The following ZNF654 variants were observed in gnomAD, a reference collection of about 807,000 sequenced individuals.
ZNF654 encodes the protein zinc finger protein 654, also known as melanoma-associated antigen.
In ZNF654, 19 loss-of-function variants were observed where a neutral mutation model predicts 95.3. That is an observed-to-expected ratio of 0.20 (90% CI 0.14 to 0.29). The LOEUF (loss-of-function observed/expected upper bound fraction) is 0.29. Ranked by LOEUF, ZNF654 falls within the 10% of genes least tolerant of loss-of-function variation. The pLI, the probability that ZNF654 is intolerant of heterozygous loss-of-function variation, is 1.00. For synonymous variants in ZNF654, 413 were observed against 457.9 expected (o/e 0.90, Z 1.25); for missense variants, 1,046 against 1,341.0 (o/e 0.78, Z 3.44).
intron 3 of ZNF654, among the ~76,000 whole-genome samples, chr3:88,114,835 C>T (rs984652740): frequency 9.9e-5 from 15 of 152,144 alleles, no homozygotes; most frequent in Admixed American, 9.8e-4. Context: ...TCCCTAAAAC[C>T]TTGTATTTTC....
intron 1 of ZNF654, 36 bp downstream of exon 1, chr3:88,059,541 G>C (rs1439227363): frequency 6.9e-7 from 1 of 1,456,896 alleles, no homozygotes; most frequent in Non-Finnish European, 9.0e-7. Context: ...CTTGTCACCC[G>C]GGTCCTGGGC....
rs1226335422 is a variant in ZNF654, at chr3:88,143,878, A to G, written c.*2226A>G. 1 of 151,948 alleles carries G rather than the reference A, an allele frequency of 6.6e-6. No individual in the cohort carries two copies. The highest frequency in any genetic ancestry group is 2.4e-5 in the African/African-American group (1 of 41,430). The allele number at this position is 151,948 out of a possible 1,614,324, so 9.4% of individuals were successfully genotyped here. On this transcript the variant is annotated 3_prime_UTR_variant, in exon 9 of 9. Transcript: ENST00000636215. ...ATTGAAAGAATGTGTTCATTTTATT[A>G]CATCTGTCTTTTAAAACATAAACCT...
chr3:88,096,909 T>TA (rs1704095799), intron 2 of ZNF654, among the ~76,000 whole-genome samples: 1 of 152,154 alleles, frequency 6.6e-6, no homozygotes. Context: ...AACCTCATAT[T>TA]ATCATTTTAG....
At chr3:88,129,067 C>CA (rs1230811728) in intron 5 of ZNF654, 56 bp downstream of exon 5, 37,081 of 981,252 alleles carry the variant, frequency 0.038, 4 homozygotes, top group South Asian at 0.051. Context: ...AAAAAAAAAC[C>CA]AAAAAAAAAA....
At chr3:88,126,363 T>C in intron 4 of ZNF654, 94 bp downstream of exon 4, 2 of 1,234,136 alleles carry the variant, frequency 1.6e-6, no homozygotes, top group Non-Finnish European at 2.1e-6. Context: ...TTTTCTTCAT[T>C]TTATAATACT....
rs764307618 is a variant in ZNF654 at position 88,139,282 on chromosome 3, T to G, written c.1613T>G (p.Val538Gly). The G allele has an allele frequency of 1.0e-5, 16 of 1,560,726 alleles. No individual in the cohort carries two copies. The South Asian group carries it at 2.0e-4, about 20-fold the overall frequency. ...KNLTALSTSK[V>G]DHNVPRHRCM... ...CTTACAGCTCTCAGTACTTCCAAAGTAGATCACAATGTCCCAAGGCATCGT... is the reference window on the plus strand; with the variant it reads ...CTTACAGCTCTCAGTACTTCCAAAGGAGATCACAATGTCCCAAGGCATCGT... The change falls in exon 8 of 9, where the codon GTA (valine) becomes GGA (glycine). Residue 538 changes from valine (V) to glycine (G), a missense_variant. Transcript: ENST00000636215.
intron 1 of ZNF654, among the ~76,000 whole-genome samples, chr3:88,079,183 G>A (rs1431289755): frequency 2.0e-5 from 3 of 152,042 alleles, no homozygotes; most frequent in Non-Finnish European, 4.4e-5. Flanking sequence ...GTCAAAAACA[G>A]GGAGATGATA....
At chr3:88,112,010 C>G (rs1433926258) in intron 2 of ZNF654, among the ~76,000 whole-genome samples, 2 of 151,870 alleles carry the variant, frequency 1.3e-5, no homozygotes, top group Non-Finnish European at 2.9e-5. Flanking sequence ...TTTAACCTAA[C>G]TTCTAGAAGC....
intron 2 of ZNF654, among the ~76,000 whole-genome samples, chr3:88,106,225 GAT>G (rs1704729193): frequency 6.6e-6 from 1 of 152,170 alleles, no homozygotes; most frequent in South Asian, 2.1e-4. Context: ...GCTGTCTGAT[GAT>G]ATGTCAATCC....
At chr3:88,092,712 TTA>T (rs1304565941) in intron 2 of ZNF654, among the ~76,000 whole-genome samples, 3 of 152,316 alleles carry the variant, frequency 2.0e-5, no homozygotes, top group East Asian at 1.9e-4. Context: ...TTTAAGGAGA[TTA>T]TGTCTTTTAT....
At chr3:88,095,799 C>T (rs1328621577) in intron 2 of ZNF654, 1 of 439,498 alleles carries the variant, frequency 2.3e-6, no homozygotes, top group East Asian at 6.8e-5. Context: ...GAGCTAAAGG[C>T]AATCCAAGTT....
At chr3:88,090,442 AAG>A (rs1708571008) in intron 2 of ZNF654, among the ~76,000 whole-genome samples, 1 of 152,154 alleles carries the variant, frequency 6.6e-6, no homozygotes, top group Non-Finnish European at 1.5e-5. Context: ...TAAGGATATA[AAG>A]AGAAAATATT....
chr3:88,086,273 C>T lies in ZNF654; in HGVS notation c.203C>T (p.Ala68Val). Residue 68 changes from alanine to valine, a missense_variant, in exon 2 of 9, where the codon GCT becomes GTT. Coordinates refer to ENST00000636215, the MANE Select transcript of ZNF654 (RefSeq NM_001350134.2). ...RRFCQVVEDYAGRWQVPLPQL... is the reference protein window; with the variant it reads ...RRFCQVVEDYVGRWQVPLPQL... ...CTCTGTCAGGTGGTTGAAGATTATG[C>T]TGGAAGATGGCAGGTCCCTTTGCCA... The T allele has an allele frequency of 6.5e-7, 1 of 1,533,654 alleles. No individual in the cohort carries two copies. Among genetic ancestry groups the T allele is most frequent in the Non-Finnish European group, 8.7e-7 (1 of 1,146,566 alleles).
At chr3:88,067,551 T>C (rs1464965009) in intron 1 of ZNF654, among the ~76,000 whole-genome samples, 2 of 152,190 alleles carry the variant, frequency 1.3e-5, no homozygotes, top group Non-Finnish European at 2.9e-5. Context: ...AAAGGATGAG[T>C]CTTCAAATAA....
chr3:88,124,466 C>T (rs1331579710), intron 3 of ZNF654, among the ~76,000 whole-genome samples: 1 of 152,128 alleles, frequency 6.6e-6, no homozygotes, highest in African/African-American at 2.4e-5. Context: ...CTACTTTCTT[C>T]TCTCATAAAA....
chr3:88,130,797 A>C (rs1264977144), intron 6 of ZNF654, among the ~76,000 whole-genome samples: 1 of 151,942 alleles, frequency 6.6e-6, no homozygotes, highest in Non-Finnish European at 1.5e-5. Context: ...AAACTCAGAG[A>C]TAAGAGTCAA....
intron 2 of ZNF654, among the ~76,000 whole-genome samples, chr3:88,105,115 A>G (rs1704657446): frequency 6.6e-6 from 1 of 152,140 alleles, no homozygotes; most frequent in African/African-American, 2.4e-5. Flanking sequence ...CTCCAGCCTG[A>G]GCAAGAGAGC....
At chr3:88,112,551 G>A (rs1375231439) in intron 2 of ZNF654, among the ~76,000 whole-genome samples, 1 of 151,904 alleles carries the variant, frequency 6.6e-6, no homozygotes, top group Non-Finnish European at 1.5e-5. Context: ...GAGCCATCCT[G>A]TTATGAGTGG....
intron 2 of ZNF654, among the ~76,000 whole-genome samples, chr3:88,104,058 A>G (rs1290314739): frequency 6.6e-6 from 1 of 152,044 alleles, no homozygotes; most frequent in African/African-American, 2.4e-5. Flanking sequence ...CACCTGGTCA[A>G]ACTTTCAGTT....
Sources: allele counts gnomAD v4.1 joint callset (sites outside exome capture counted in the v4.1 genomes callset), GRCh38; gene constraint gnomAD v4.1.1; transcripts MANE v1.5; gene names NCBI Gene and HGNC (gene_info 2026-07-23, HGNC 2026-07-21).